The following SHROOM3 variants were observed in gnomAD, a reference collection of about 807,000 sequenced individuals.
The protein encoded by SHROOM3 is protein Shroom3.
In SHROOM3, 47 loss-of-function variants were observed where a neutral mutation model predicts 138.6. That is an observed-to-expected ratio of 0.34 (90% confidence interval 0.27 to 0.43). The LOEUF is 0.43. SHROOM3 is among the 20% of genes least tolerant of loss of function. The probability of loss-of-function intolerance (pLI) is 1.00; values close to 1 mark genes in which losing one functional copy is unlikely to be tolerated. For synonymous variants in SHROOM3, 1,062 were observed against 1,063.3 expected (o/e 1.00, Z 0.02); for missense variants, 2,491 against 2,596.5 (o/e 0.96, Z 0.88).
chr4:76,629,679 A>G (rs902075227), intron 2 of SHROOM3, among the ~76,000 whole-genome samples: 2 of 152,242 alleles, frequency 1.3e-5, no homozygotes, highest in African/African-American at 4.8e-5. Context: ...TCGAAACAAC[A>G]GTATCTACTG....
chr4:76,573,227 C>T (rs1346774924), intron 2 of SHROOM3, among the ~76,000 whole-genome samples: 2 of 151,672 alleles, frequency 1.3e-5, no homozygotes, highest in Admixed American at 6.6e-5. Flanking sequence ...ATACAGATGT[C>T]CTATTAAATT....
At chr4:76,755,234 A>G in intron 7 of SHROOM3, 42 bp downstream of exon 7, 1 of 1,601,410 alleles carries the variant, frequency 6.2e-7, no homozygotes, top group Non-Finnish European at 8.5e-7. Flanking sequence ...CTAACAGGAG[A>G]GTGTCATGCC....
intron 2 of SHROOM3, among the ~76,000 whole-genome samples, chr4:76,658,035 T>C (rs1319728852): frequency 6.6e-6 from 1 of 152,192 alleles, no homozygotes; most frequent in Admixed American, 6.5e-5. Flanking sequence ...CTTTTCCACA[T>C]TGATAAAATG....
intron 2 of SHROOM3, among the ~76,000 whole-genome samples, chr4:76,585,899 C>G (rs1734141194): frequency 6.6e-6 from 1 of 152,190 alleles, no homozygotes; most frequent in Admixed American, 6.5e-5. Flanking sequence ...CTCGCCAGGG[C>G]TGGGAGGAAG....
At chr4:76,493,259 CA>C (rs1220540513) in intron 1 of SHROOM3, among the ~76,000 whole-genome samples, 1 of 146,544 alleles carries the variant, frequency 6.8e-6, no homozygotes, top group Non-Finnish European at 1.5e-5. Context: ...TGCCTAGTTA[CA>C]TTTGAATTTC....
At chr4:76,724,613 G>A (rs1217720406) in intron 3 of SHROOM3, among the ~76,000 whole-genome samples, 5 of 152,142 alleles carry the variant, frequency 3.3e-5, no homozygotes, top group Non-Finnish European at 5.9e-5. Context: ...ATTGTATCTA[G>A]TTTCTTAAGT....
chr4:76,481,969 A>T (rs1731622721), intron 1 of SHROOM3, among the ~76,000 whole-genome samples: 1 of 152,198 alleles, frequency 6.6e-6, no homozygotes, highest in East Asian at 1.9e-4. Flanking sequence ...TCATGCTAAA[A>T]ACTCTCAATA....
intron 2 of SHROOM3, among the ~76,000 whole-genome samples, chr4:76,632,394 T>A (rs977895848): frequency 6.6e-6 from 1 of 151,848 alleles, no homozygotes; most frequent in African/African-American, 2.4e-5. Context: ...AAACAGTGAG[T>A]TGGGGACAAG....
chr4:76,666,993 A>ATTCCACC, intron 2 of SHROOM3, among the ~76,000 whole-genome samples: 1 of 152,246 alleles, frequency 6.6e-6, no homozygotes, highest in Non-Finnish European at 1.5e-5. Flanking sequence ...AATACAGTGT[A>ATTCCACC]ATTCCACTTA....
At chr4:76,727,053 G>T (rs1228320909) in intron 3 of SHROOM3, among the ~76,000 whole-genome samples, 1 of 152,050 alleles carries the variant, frequency 6.6e-6, no homozygotes, top group African/African-American at 2.4e-5. Flanking sequence ...CCAGTCCCGG[G>T]GCTAATTTCT....
chr4:76,580,446 C>CTTTTTTTTTTTTTTTTTTT (rs869200924), intron 2 of SHROOM3, among the ~76,000 whole-genome samples: 1 of 88,088 alleles, frequency 1.1e-5, no homozygotes. Flanking sequence ...TGGGCAAGTT[C>CTTTTTTTTTTTTTTTTTTT]TTTTTTTTTT....
At chr4:76,754,067 G>C (rs1424308730) in intron 6 of SHROOM3, among the ~76,000 whole-genome samples, 1 of 152,200 alleles carries the variant, frequency 6.6e-6, no homozygotes, top group East Asian at 1.9e-4. Context: ...GTTAATAAAA[G>C]AAAATGCCTT....
At chr4:76,499,905 T>G (rs1732054376) in intron 1 of SHROOM3, among the ~76,000 whole-genome samples, 1 of 152,188 alleles carries the variant, frequency 6.6e-6, no homozygotes, top group African/African-American at 2.4e-5. Flanking sequence ...GGGCAAAGCT[T>G]AAAATAAAAA....
At chr4:76,746,781 C>CATCATT (rs917313989) in intron 5 of SHROOM3, among the ~76,000 whole-genome samples, 2 of 140,586 alleles carry the variant, frequency 1.4e-5, no homozygotes, top group Admixed American at 1.4e-4. Context: ...TTTAGATTTA[C>CATCATT]ATTATTATTA....
intron 2 of SHROOM3, among the ~76,000 whole-genome samples, chr4:76,629,138 G>A (rs1043531476): frequency 8.5e-5 from 13 of 152,266 alleles, no homozygotes; most frequent in African/African-American, 2.4e-4. Context: ...GAACCACCAC[G>A]CCCAGCTGGT....
At chr4:76,596,010 C>T (rs1465194235) in intron 2 of SHROOM3, among the ~76,000 whole-genome samples, 1 of 152,182 alleles carries the variant, frequency 6.6e-6, no homozygotes, top group South Asian at 2.1e-4. Flanking sequence ...CCTGCATGCA[C>T]ACACACTGAA....
At chr4:76,543,326 G>A (rs1253744346) in intron 1 of SHROOM3, among the ~76,000 whole-genome samples, 1 of 152,192 alleles carries the variant, frequency 6.6e-6, no homozygotes, top group African/African-American at 2.4e-5. Context: ...GGTGGTAGAG[G>A]AGGAAGCTGC....
At position 76,741,243 on chromosome 4, in the gene SHROOM3, G is replaced by A. The variant is rs747739297; in HGVS notation, c.3070G>A (p.Glu1024Lys). ...GAAGAAGCGCTCCTACTCGGAGCCC[G>A]AGAAGATGAACGAGGTGGGGATCGT... Reference protein sequence around the residue: ...EQKKRSYSEPEKMNEVGIVEE... With the variant: ...EQKKRSYSEPKKMNEVGIVEE... The change falls in exon 5 of 11, where the codon GAG becomes AAG. Residue 1024 changes from glutamate to lysine, a missense_variant. Physicochemically the swap from Glu to Lys is moderately conservative, Grantham distance 56. Transcript: ENST00000296043. This position sits in a 1 kb window ranked among gnomAD's most constrained non-coding sequence, Gnocchi z 6.2. The A allele has an allele frequency of 6.2e-7, 1 of 1,611,714 alleles. No homozygotes were observed. Among genetic ancestry groups the A allele is most frequent in the Non-Finnish European group, 8.5e-7 (1 of 1,179,552 alleles).
At chr4:76,470,789 A>T (rs1398546422) in intron 1 of SHROOM3, among the ~76,000 whole-genome samples, 1 of 152,192 alleles carries the variant, frequency 6.6e-6, no homozygotes, top group African/African-American at 2.4e-5. Flanking sequence ...TTATTTTGTT[A>T]GAGTATTACC....
Sources: allele counts gnomAD v4.1 joint callset (sites outside exome capture counted in the v4.1 genomes callset), GRCh38; gene constraint gnomAD v4.1.1; non-coding constraint Gnocchi (gnomAD v3.1); transcripts MANE v1.5; gene names NCBI Gene and HGNC (gene_info 2026-07-23, HGNC 2026-07-21).